Variants in CDH11 observed in about 807,000 individuals in gnomAD.
The protein encoded by CDH11 is cadherin-11.
A neutral mutation model predicts 67.8 loss-of-function variants in CDH11; 11 were observed. The observed-to-expected ratio is 0.16, with a 90% CI of 0.10 to 0.27. The LOEUF is 0.27. CDH11 is among the 10% of genes least tolerant of loss of function. CDH11 has a pLI of 1.00. For missense variants in CDH11, 847 were observed against 1,031.2 expected, an observed-to-expected ratio of 0.82 and a Z score of 2.45; for synonymous variants, 419 against 400.0, an observed-to-expected ratio of 1.05 and a Z score of -0.57.
intron 2 of CDH11, among the ~76,000 whole-genome samples, chr16:65,013,892 A>G (rs2073236561): frequency 6.6e-6 from 1 of 152,108 alleles, no homozygotes; most frequent in African/African-American, 2.4e-5. Flanking sequence ...TGCCAAGAGA[A>G]AAAGAGACAA....
intron 2 of CDH11, among the ~76,000 whole-genome samples, chr16:65,028,347 T>G (rs142800512): frequency 4.9e-4 from 75 of 152,196 alleles, no homozygotes; most frequent in Non-Finnish European, 1.0e-3. Flanking sequence ...AGAGAGTAAA[T>G]GTTGCTGCCT....
intron 2 of CDH11, among the ~76,000 whole-genome samples, chr16:65,013,146 G>C (rs1034489922): frequency 6.6e-6 from 1 of 152,152 alleles, no homozygotes; most frequent in Non-Finnish European, 1.5e-5. Flanking sequence ...TCATTTTGAA[G>C]GTCTAGGTCC....
intron 2 of CDH11, among the ~76,000 whole-genome samples, chr16:65,038,749 G>C (rs1231924531): frequency 6.6e-6 from 1 of 152,082 alleles, no homozygotes; most frequent in Non-Finnish European, 1.5e-5. Flanking sequence ...TGGACACTTG[G>C]GAAACAAAAC....
At chr16:65,001,821 A>C (rs1186235956) in intron 3 of CDH11, among the ~76,000 whole-genome samples, 2 of 143,506 alleles carry the variant, frequency 1.4e-5, no homozygotes, top group African/African-American at 5.0e-5. Flanking sequence ...ACAAAAACCC[A>C]GTTTCAGAAA....
chr16:65,056,754 T>C (rs1439328687), intron 1 of CDH11, among the ~76,000 whole-genome samples: 4 of 152,320 alleles, frequency 2.6e-5, no homozygotes, highest in African/African-American at 4.8e-5. Flanking sequence ...TCTAGTCTTC[T>C]GTTAATAATG....
intron 1 of CDH11, among the ~76,000 whole-genome samples, chr16:65,106,558 A>G (rs1360154993): frequency 6.6e-6 from 1 of 152,228 alleles, no homozygotes; most frequent in African/African-American, 2.4e-5. Flanking sequence ...AGAAGCTGCA[A>G]TGGGACTCCC....
At chr16:65,122,165 C>T (rs946722990), upstream of CDH11, 17 of 554,638 alleles carry the variant, frequency 3.1e-5, no homozygotes, top group Non-Finnish European at 4.4e-5. Context: ...GAGGCTGCCG[C>T]TGTGAGGGAA....
chr16:65,081,958 A>G (rs1407587410), intron 1 of CDH11, among the ~76,000 whole-genome samples: 4 of 152,094 alleles, frequency 2.6e-5, no homozygotes, highest in Non-Finnish European at 5.9e-5. Flanking sequence ...GGTGCTGAGG[A>G]CTGAGTCCTC....
At chr16:65,003,684 T>C (rs927724223) in intron 3 of CDH11, among the ~76,000 whole-genome samples, 1 of 152,168 alleles carries the variant, frequency 6.6e-6, no homozygotes, top group African/African-American at 2.4e-5. Context: ...CTTTCTACAC[T>C]TGCACTTTTC....
intron 1 of CDH11, among the ~76,000 whole-genome samples, chr16:65,064,273 C>T (rs894367634): frequency 2.0e-5 from 3 of 152,246 alleles, no homozygotes; most frequent in Admixed American, 6.5e-5. Context: ...TTTGGGCCTC[C>T]ATGACTCTTC....
In CDH11 at chr16:64,998,654, T is replaced by C. The variant is rs879145630; in HGVS notation, c.431A>G (p.Glu144Gly). 4.3e-6 allele frequency: 7 copies of C among 1,614,024 alleles called. No individual in the cohort carries two copies. Among genetic ancestry groups the C allele is most frequent in the Non-Finnish European group, 5.1e-6 (6 of 1,180,004 alleles). Residue 144 changes from glutamate (E) to glycine (G), a missense_variant, in exon 4 of 13, where the codon GAA (glutamate) becomes GGA (glycine). Glu to Gly is a moderately conservative substitution (Grantham distance 98). This residue lies in a region of CDH11 where 235 missense variants were observed against 352.5 expected (regional missense o/e 0.67). Coordinates refer to ENST00000268603, the MANE Select transcript of CDH11 (RefSeq NM_001797.4). ...DTNRPLEPPS[E>G]FIVKVQDIND... is the part of the protein sequence containing the mutation. The stretch of plus-strand genomic sequence containing the variant: ...AATGTCCTGGACCTTGACAATGAAT[T>C]CCGACGGTGGCTCCAGTGGCCGATT...
chr16:65,121,668 C>T lies in CDH11; in HGVS notation c.-298+212G>A, dbSNP rs1360735692. Among the ~76,000 whole-genome samples the T allele has an allele frequency of 6.6e-6, 1 of 152,196 alleles. No individual in the cohort carries two copies. The highest frequency in any genetic ancestry group is 1.5e-5 in the Non-Finnish European group (1 of 68,020). On this transcript the variant is annotated intron_variant, in intron 1 of 12. Transcript: ENST00000268603. This position sits in a 1 kb window ranked among gnomAD's most constrained non-coding sequence, Gnocchi z 4.1. ...TGAAGCCTCCGTCCCCTGCTTTGCC[C>T]GCGCCCACAGCTGGCTCCCTTCTCC...
intron 2 of CDH11, among the ~76,000 whole-genome samples, chr16:65,010,717 C>T (rs1179289196): frequency 1.3e-5 from 2 of 152,060 alleles, no homozygotes; most frequent in African/African-American, 2.4e-5. Flanking sequence ...TGAGTCTCTG[C>T]TTCTGGAGAA....
intron 2 of CDH11, among the ~76,000 whole-genome samples, chr16:65,035,011 T>C (rs1183107350): frequency 6.6e-6 from 1 of 152,214 alleles, no homozygotes; most frequent in Non-Finnish European, 1.5e-5. Context: ...ATGTTGGAAC[T>C]GACCCGAGAG....
chr16:65,044,458 T>A (rs1388648929), intron 2 of CDH11, among the ~76,000 whole-genome samples: 2 of 151,144 alleles, frequency 1.3e-5, no homozygotes, highest in Non-Finnish European at 3.0e-5. Context: ...TAAACTGTAA[T>A]TTTTTTTTAA....
At chr16:64,979,227 A>C (rs12925954) in intron 8 of CDH11, among the ~76,000 whole-genome samples, 69,300 of 152,064 alleles carry the variant, frequency 0.46, 16,752 homozygotes, top group East Asian at 0.79. Context: ...AAACAGGTGG[A>C]TCATTTGAGG....
intron 11 of CDH11, chr16:64,968,452 T>C: frequency 1.0e-6 from 1 of 984,020 alleles, no homozygotes; most frequent in African/African-American, 1.7e-5. Flanking sequence ...GCAGACATGC[T>C]CTTCATCTGC....
rs751308096 is a variant in CDH11 at position 65,096,409 on chromosome 16, GT to G, written c.-298+25470del. On this transcript the variant is annotated intron_variant, in intron 1 of 12. Coordinates refer to ENST00000268603, the MANE Select transcript of CDH11 (RefSeq NM_001797.4). ...TCTCTTACCATAAATCTTTCGGGGT[GT>G]GTGTGTGTGTGTGTGTGTGTGTGTG... 6.7e-3 allele frequency among the ~76,000 whole-genome samples: 494 copies of G among 74,206 alleles called. 3 individuals carry two copies. Among genetic ancestry groups the G allele is most frequent in the East Asian group, 0.014 (49 of 3,468 alleles). 48.7% of individuals were successfully genotyped at this position (74,206 alleles called of 152,430 possible).
intron 1 of CDH11, among the ~76,000 whole-genome samples, chr16:65,111,902 T>C (rs910450560): frequency 6.6e-6 from 1 of 151,748 alleles, no homozygotes; most frequent in Non-Finnish European, 1.5e-5. Flanking sequence ...AAACCCCGTC[T>C]CTACTAAAAA....
Sources: allele counts gnomAD v4.1 joint callset (sites outside exome capture counted in the v4.1 genomes callset), GRCh38; gene constraint gnomAD v4.1.1; regional missense constraint gnomAD v4.1.1; non-coding constraint Gnocchi (gnomAD v3.1); transcripts MANE v1.5; gene names NCBI Gene and HGNC (gene_info 2026-07-23, HGNC 2026-07-21).